Variants in HIVEP3 observed in about 807,000 individuals in gnomAD.
HIVEP3 encodes the protein HIVEP zinc finger 3, also known as transcription factor HIVEP3.
HIVEP3 carries 49 observed loss-of-function variants against 152.8 expected under a neutral mutation model. The ratio of observed to expected loss-of-function variants is 0.32; its 90% CI spans 0.26 to 0.41. The LOEUF (loss-of-function observed/expected upper bound fraction) is 0.41, where lower values mean the gene tolerates loss of function less well. Ranked by LOEUF, HIVEP3 falls within the 10% of genes least tolerant of loss-of-function variation. HIVEP3 has a pLI of 1.00. For synonymous variants in HIVEP3, 1,269 were observed against 1,289.0 expected (o/e 0.98, Z 0.33); for missense variants, 2,790 against 3,103.3 (o/e 0.90, Z 2.40).
At chr1:41,962,206 A>G (rs912051225) in intron 1 of HIVEP3, among the ~76,000 whole-genome samples, 1 of 152,250 alleles carries the variant, frequency 6.6e-6, no homozygotes, top group Non-Finnish European at 1.5e-5. Context: ...ATATTTACCA[A>G]GAATGCTCAG....
intron 1 of HIVEP3, among the ~76,000 whole-genome samples, chr1:41,745,808 G>T (rs11210519): frequency 6.6e-6 from 1 of 152,092 alleles, no homozygotes; most frequent in Admixed American, 6.5e-5. Flanking sequence ...TCTTTCCACC[G>T]GAGGGAATAT....
At chr1:41,736,943 C>A (rs1315515505) in intron 1 of HIVEP3, among the ~76,000 whole-genome samples, 1 of 152,148 alleles carries the variant, frequency 6.6e-6, no homozygotes, top group Non-Finnish European at 1.5e-5. Flanking sequence ...CACTCCAGGG[C>A]TGACTCTTCA....
At chr1:41,849,296 C>A (rs187656308) in intron 1 of HIVEP3, among the ~76,000 whole-genome samples, 2 of 152,172 alleles carry the variant, frequency 1.3e-5, no homozygotes, top group Non-Finnish European at 2.9e-5. Flanking sequence ...GACAGATGCA[C>A]GCAGATATAT....
intron 1 of HIVEP3, among the ~76,000 whole-genome samples, chr1:41,746,128 C>T (rs554377114): frequency 2.6e-5 from 4 of 152,148 alleles, no homozygotes; most frequent in Admixed American, 2.6e-4. Context: ...CTGCCTGCTG[C>T]CCCCATGGTT....
chr1:41,884,433 C>G (rs754866853), intron 1 of HIVEP3, among the ~76,000 whole-genome samples: 1 of 152,202 alleles, frequency 6.6e-6, no homozygotes, highest in African/African-American at 2.4e-5. Flanking sequence ...GAAATGCCAT[C>G]ATGGCTGCTG....
chr1:41,867,213 A>G (rs911398495), intron 1 of HIVEP3, among the ~76,000 whole-genome samples: 2 of 151,996 alleles, frequency 1.3e-5, no homozygotes, highest in African/African-American at 4.8e-5. Flanking sequence ...ACTCTCCAGG[A>G]GTGGCATGAA....
At chr1:41,686,080 TG>T (rs1159856004) in intron 2 of HIVEP3, among the ~76,000 whole-genome samples, 16 of 151,190 alleles carry the variant, frequency 1.1e-4, no homozygotes, top group Middle Eastern at 3.4e-3. Context: ...TGTTTTGTTT[TG>T]TTTTTTTTGA....
At chr1:41,963,839 CAGA>C (rs1645182921) in intron 1 of HIVEP3, among the ~76,000 whole-genome samples, 1 of 152,140 alleles carries the variant, frequency 6.6e-6, no homozygotes, top group Admixed American at 6.5e-5. Flanking sequence ...TTCTGCCGAA[CAGA>C]TTCAAGTTCA....
At chr1:41,675,233 C>T (rs1209766349) in intron 2 of HIVEP3, among the ~76,000 whole-genome samples, 2 of 152,140 alleles carry the variant, frequency 1.3e-5, no homozygotes, top group Non-Finnish European at 2.9e-5. Flanking sequence ...AGTGACCCCA[C>T]CTGCCCCTCC....
chr1:41,585,037 C>A lies in HIVEP3; in HGVS notation c.-240G>T. The A allele has an allele frequency of 2.5e-6, 1 of 403,130 alleles. No individual in the cohort carries two copies. Among genetic ancestry groups the A allele is most frequent in the East Asian group, 3.5e-5 (1 of 28,184 alleles). 25.0% of individuals were successfully genotyped at this position (403,130 alleles called of 1,614,324 possible). A position where few individuals can be genotyped will look rare whatever the true frequency, so the allele number is the denominator to read the frequency against. On this transcript the variant is annotated 5_prime_UTR_variant, in exon 4 of 9. Transcript: ENST00000372583. ...GAGGCATGGCCCTCTACTTTGCAGA[C>A]AGAAAACGCACCAGCACTTTCTGCC... is the stretch of plus-strand genomic sequence containing the variant.
chr1:41,924,144 C>G (rs71654213), intron 1 of HIVEP3, among the ~76,000 whole-genome samples: 1 of 151,934 alleles, frequency 6.6e-6, no homozygotes. Context: ...ACGTAGGAGA[C>G]GGGCTAGAGG....
intron 1 of HIVEP3, among the ~76,000 whole-genome samples, chr1:41,790,840 C>A (rs1649648258): frequency 6.6e-6 from 1 of 152,130 alleles, no homozygotes; most frequent in Non-Finnish European, 1.5e-5. Flanking sequence ...CTAGCATATC[C>A]CATGCTCCCT....
intron 2 of HIVEP3, among the ~76,000 whole-genome samples, chr1:41,646,340 A>G (rs1645458920): frequency 6.6e-6 from 1 of 152,140 alleles, no homozygotes; most frequent in Non-Finnish European, 1.5e-5. Context: ...TCAGATCCAG[A>G]CCCTTCAGCA....
chr1:41,731,311 A>G (rs1410799089), intron 1 of HIVEP3, among the ~76,000 whole-genome samples: 1 of 151,916 alleles, frequency 6.6e-6, no homozygotes, highest in Non-Finnish European at 1.5e-5. Context: ...CCAGTGGCAG[A>G]CCCCCTGAAT....
intron 1 of HIVEP3, among the ~76,000 whole-genome samples, chr1:42,027,258 A>C (rs548051976): frequency 2.4e-4 from 37 of 152,262 alleles, no homozygotes; most frequent in Admixed American, 2.1e-3. Context: ...TATATTCAAA[A>C]CTTGTCCACT....
chr1:41,895,163 G>A (rs186515564), intron 1 of HIVEP3, among the ~76,000 whole-genome samples: 150 of 152,332 alleles, frequency 9.8e-4, no homozygotes, highest in African/African-American at 2.6e-3. Context: ...CCTGAGAGGT[G>A]CAGCTGCTGA....
At chr1:41,830,365 A>C (rs972053836) in intron 1 of HIVEP3, among the ~76,000 whole-genome samples, 3 of 152,210 alleles carry the variant, frequency 2.0e-5, no homozygotes, top group Admixed American at 2.0e-4. Flanking sequence ...AGGTGTTTTT[A>C]TGTCCTTCAG....
At chr1:41,879,810 T>A (rs1021553826) in intron 1 of HIVEP3, among the ~76,000 whole-genome samples, 1 of 152,212 alleles carries the variant, frequency 6.6e-6, no homozygotes, top group African/African-American at 2.4e-5. Context: ...ATCTAGGCTT[T>A]TTATTCATTT....
intron 1 of HIVEP3, among the ~76,000 whole-genome samples, chr1:41,977,007 A>G (rs1165270328): frequency 6.6e-6 from 1 of 152,108 alleles, no homozygotes; most frequent in Non-Finnish European, 1.5e-5. Context: ...CATCTGGGAG[A>G]CTAATACAAC....
Sources: gnomAD v4.1 joint callset for allele counts (sites outside exome capture counted in the v4.1 genomes callset) on GRCh38, gnomAD v4.1.1 for gene constraint, MANE v1.5 for transcripts, NCBI Gene and HGNC (gene_info 2026-07-23, HGNC 2026-07-21) for gene names.